The following SLC9B1 variants were observed in gnomAD, a reference collection of about 807,000 sequenced individuals.
SLC9B1 encodes the protein sodium/hydrogen exchanger 9B1.
A neutral mutation model predicts 51.7 loss-of-function variants in SLC9B1; 32 were observed. That is an observed-to-expected ratio of 0.62 (90% CI 0.47 to 0.83). SLC9B1 has a LOEUF of 0.83. SLC9B1 is among the 40% of genes least tolerant of loss of function. The probability of loss-of-function intolerance (pLI) is 0.00; values close to 1 mark genes in which losing one functional copy is unlikely to be tolerated. For missense variants in SLC9B1, 406 were observed against 613.2 expected (o/e 0.66, Z 3.57); for synonymous variants, 145 against 212.7 (o/e 0.68, Z 2.77).
intron 3 of SLC9B1, among the ~76,000 whole-genome samples, chr4:102,982,865 TAC>T (rs1739430078): frequency 6.6e-6 from 1 of 152,128 alleles, no homozygotes; most frequent in Non-Finnish European, 1.5e-5. Context: ...CTAACCTGTA[TAC>T]CTTTTATTTA....
intron 3 of SLC9B1, among the ~76,000 whole-genome samples, chr4:102,975,953 A>G (rs1739049287): frequency 6.6e-6 from 1 of 152,156 alleles, no homozygotes; most frequent in South Asian, 2.1e-4. Context: ...TATAAAAAGA[A>G]AAGAGGAAAA....
At chr4:102,992,544 T>C (rs1739998519) in intron 1 of SLC9B1, among the ~76,000 whole-genome samples, 1 of 152,182 alleles carries the variant, frequency 6.6e-6, no homozygotes, top group South Asian at 2.1e-4. Context: ...GTAGCTACCA[T>C]ATGCTAGCTG....
At chr4:102,939,668 C>T (rs567838232) in intron 6 of SLC9B1, among the ~76,000 whole-genome samples, 66 of 152,246 alleles carry the variant, frequency 4.3e-4, no homozygotes, top group African/African-American at 1.5e-3. Flanking sequence ...AAATACAAGC[C>T]AACTGAATCC....
intron 7 of SLC9B1, among the ~76,000 whole-genome samples, chr4:102,921,583 G>T (rs1735880151): frequency 1.3e-5 from 2 of 152,070 alleles, no homozygotes; most frequent in South Asian, 4.1e-4. Flanking sequence ...ACGTAAATGG[G>T]CTAAATGCCC....
In SLC9B1 at chr4:102,943,743, G is replaced by T. The variant is rs1310517129; in HGVS notation, c.653+1450C>A. On this transcript the variant is annotated intron_variant, in intron 6 of 11. Coordinates refer to ENST00000296422, the MANE Select transcript of SLC9B1 (RefSeq NM_139173.4). ...TACAATGGGCTTTGGGGACTTAGGGGGAAGAGTAGGAGGAGGGTGAGCGAT... is the reference window on the plus strand; with the variant it reads ...TACAATGGGCTTTGGGGACTTAGGGTGAAGAGTAGGAGGAGGGTGAGCGAT... Among the ~76,000 whole-genome samples, 3 of 152,264 alleles carry T rather than the reference G, an allele frequency of 2.0e-5. No homozygotes were observed. The South Asian group carries it at 6.2e-4, about 32-fold the overall frequency.
intron 3 of SLC9B1, among the ~76,000 whole-genome samples, chr4:102,970,245 C>T (rs1160808569): frequency 7.2e-5 from 11 of 152,108 alleles, no homozygotes; most frequent in Admixed American, 1.3e-4. Flanking sequence ...AGAGAAAGGT[C>T]GGGTTAGCCA....
chr4:102,893,513 G>T (rs1734377172), intron 11 of SLC9B1, among the ~76,000 whole-genome samples: 1 of 152,176 alleles, frequency 6.6e-6, no homozygotes, highest in Admixed American at 6.5e-5. Flanking sequence ...AAGTACTAGG[G>T]TTGCAAGAAG....
intron 7 of SLC9B1, among the ~76,000 whole-genome samples, chr4:102,916,698 T>C (rs985555237): frequency 7.9e-5 from 12 of 152,202 alleles, no homozygotes; most frequent in African/African-American, 2.9e-4. Flanking sequence ...AAACAAGTTT[T>C]TAAAAATTTA....
chr4:102,974,921 T>C (rs916973401), intron 3 of SLC9B1, among the ~76,000 whole-genome samples: 1 of 152,236 alleles, frequency 6.6e-6, no homozygotes, highest in Non-Finnish European at 1.5e-5. Flanking sequence ...TCTAGTAATG[T>C]ATTCTAAAAA....
intron 1 of SLC9B1, 77 bp from the exon 2 acceptor site, chr4:102,991,789 G>T: frequency 9.9e-7 from 1 of 1,012,978 alleles, no homozygotes; most frequent in South Asian, 1.9e-5. Context: ...TGGTTAAGTG[G>T]GATTAATTTT....
chr4:103,014,307 CAGA>C (rs1741215663), intron 1 of SLC9B1, among the ~76,000 whole-genome samples: 1 of 152,204 alleles, frequency 6.6e-6, no homozygotes, highest in African/African-American at 2.4e-5. Context: ...TCATTTCTTC[CAGA>C]AGATTTCCTG....
chr4:102,923,028 A>G (rs1251692637), intron 7 of SLC9B1, among the ~76,000 whole-genome samples: 1 of 152,226 alleles, frequency 6.6e-6, no homozygotes, highest in African/African-American at 2.4e-5. Flanking sequence ...AATCAATAGA[A>G]AAAGAGAGAA....
chr4:102,996,216 T>C (rs1362676729), intron 1 of SLC9B1, among the ~76,000 whole-genome samples: 1 of 152,210 alleles, frequency 6.6e-6, no homozygotes, highest in Non-Finnish European at 1.5e-5. Context: ...AAATCTCTTG[T>C]CCATTTTTTT....
intron 11 of SLC9B1, among the ~76,000 whole-genome samples, chr4:102,893,341 G>A (rs1456837878): frequency 7.0e-6 from 1 of 143,480 alleles, no homozygotes; most frequent in Non-Finnish European, 1.5e-5. Flanking sequence ...TTGAAATGCT[G>A]CATGCAACTA....
At chr4:103,008,623 T>C (rs931323263) in intron 1 of SLC9B1, among the ~76,000 whole-genome samples, 4 of 151,894 alleles carry the variant, frequency 2.6e-5, no homozygotes, top group African/African-American at 9.7e-5. Flanking sequence ...TCTCAAGTGG[T>C]CCGCCAGCCT....
At chr4:102,991,828 T>A (rs755008819) in intron 1 of SLC9B1, 116 bp from the exon 2 acceptor site, 70 of 648,950 alleles carry the variant, frequency 1.1e-4, no homozygotes, top group Non-Finnish European at 1.5e-4. Flanking sequence ...TAAAGTTGTA[T>A]CACAGTCAAG....
rs1227573071 is a variant in SLC9B1, at chr4:102,901,128, C to G, written c.1537G>C (p.Glu513Gln). 1 of 1,610,794 alleles carries G rather than the reference C, an allele frequency of 6.2e-7. No homozygotes were observed. Among genetic ancestry groups the G allele is most frequent in the South Asian group, 1.1e-5 (1 of 90,958 alleles). The part of the protein sequence containing the change: ...SKIKLQLSTL[E>Q]HH ...GACAGGTAAACTTTTTAATGATGTT[C>G]TAATGTTGACAACTGCAGTTTTATT... Residue 513 changes from glutamate to glutamine, a missense_variant, in exon 12 of 12, where the codon GAA (glutamate) becomes CAA (glutamine). By Grantham distance (29) the Glu-to-Gln change is conservative. Coordinates refer to ENST00000296422, the MANE Select transcript of SLC9B1 (RefSeq NM_139173.4).
At chr4:102,969,385 C>A (rs1306719034) in intron 3 of SLC9B1, among the ~76,000 whole-genome samples, 2 of 152,196 alleles carry the variant, frequency 1.3e-5, no homozygotes, top group South Asian at 2.1e-4. Context: ...CTCCAACAGA[C>A]CTGCAGCTGA....
At chr4:103,009,359 C>A (rs1740973869) in intron 1 of SLC9B1, among the ~76,000 whole-genome samples, 1 of 152,146 alleles carries the variant, frequency 6.6e-6, no homozygotes, top group Non-Finnish European at 1.5e-5. Context: ...AACTTTATGG[C>A]CAACTTGTAC....
Sources: allele counts gnomAD v4.1 joint callset (sites outside exome capture counted in the v4.1 genomes callset), GRCh38; gene constraint gnomAD v4.1.1; transcripts MANE v1.5; gene names NCBI Gene and HGNC (gene_info 2026-07-23, HGNC 2026-07-21).